Variants in FOLH1 observed in about 807,000 individuals in gnomAD.
The protein encoded by FOLH1 is glutamate carboxypeptidase 2.
A neutral mutation model predicts 93.9 loss-of-function variants in FOLH1; 54 were observed. The ratio of observed to expected loss-of-function variants is 0.57; its 90% CI spans 0.46 to 0.72. The LOEUF (loss-of-function observed/expected upper bound fraction) is 0.72. Among genes scored for constraint, FOLH1 ranks in the 30% least tolerant of loss-of-function variants. FOLH1 has a pLI of 0.00. For synonymous variants in FOLH1, 249 were observed against 303.6 expected, an observed-to-expected ratio of 0.82 and a Z score of 1.87; for missense variants, 571 against 892.5, an observed-to-expected ratio of 0.64 and a Z score of 4.59.
chr11:49,176,428 C>T (rs1860047935), intron 7 of FOLH1, among the ~76,000 whole-genome samples: 1 of 152,134 alleles, frequency 6.6e-6, no homozygotes, highest in Non-Finnish European at 1.5e-5. Context: ...ATTTCAGAAG[C>T]CCCTAAAAGC....
intron 4 of FOLH1, 136 bp downstream of exon 4, chr11:49,192,657 T>C (rs1281688362): frequency 1.9e-6 from 1 of 529,122 alleles, no homozygotes; most frequent in East Asian, 3.4e-5. Flanking sequence ...TACTAAGACA[T>C]TCTCATTACT....
chr11:49,180,498 C>T (rs1236163823), intron 7 of FOLH1, among the ~76,000 whole-genome samples: 26 of 152,156 alleles, frequency 1.7e-4, no homozygotes, highest in Admixed American at 1.0e-3. Context: ...CAGCATTCTT[C>T]GGCCATTATA....
At chr11:49,192,149 G>C (rs2135252156) in intron 4 of FOLH1, among the ~76,000 whole-genome samples, 1 of 151,192 alleles carries the variant, frequency 6.6e-6, no homozygotes, top group Admixed American at 6.6e-5. Context: ...TATACTATCT[G>C]GTCTTTTATA....
At position 49,146,944 on chromosome 11, in the gene FOLH1, G is replaced by A. The variant is rs1262142055; in HGVS notation, c.2065C>T (p.His689Tyr). 6.2e-7 allele frequency: 1 copy of A among 1,607,370 alleles called. No individual in the cohort carries two copies. The change falls in exon 19 of 19, where the codon CAT becomes TAT. Residue 689 changes from histidine (H) to tyrosine (Y), a missense_variant and splice_region_variant. By Grantham distance (83) the His-to-Tyr change is moderately conservative (BLOSUM62 2). Transcript: ENST00000256999. The stretch of plus-strand genomic sequence containing the variant: ...TGGCTGCTTGGAGCATAGATGACAT[G>A]CCTGTTGATAAAATCGTTTGCTGTT... Reference protein sequence around the residue: ...LGLPDRPFYRHVIYAPSSHNK... With the variant: ...LGLPDRPFYRYVIYAPSSHNK...
intron 4 of FOLH1, 75 bp from the exon 5 acceptor site, chr11:49,186,844 C>T: frequency 1.4e-6 from 2 of 1,481,096 alleles, no homozygotes; most frequent in Non-Finnish European, 1.8e-6. Flanking sequence ...GACTGTTGGA[C>T]ATTTTTGAAA....
At chr11:49,163,137 C>T (rs12793839) in intron 13 of FOLH1, among the ~76,000 whole-genome samples, 2 of 152,042 alleles carry the variant, frequency 1.3e-5, no homozygotes, top group Non-Finnish European at 2.9e-5. Context: ...CTTCAGCCCT[C>T]GGTTGTCTTG....
intron 1 of FOLH1, among the ~76,000 whole-genome samples, chr11:49,207,462 C>A (rs1864105546): frequency 6.6e-6 from 1 of 152,078 alleles, no homozygotes; most frequent in African/African-American, 2.4e-5. Context: ...CTTCTAAATC[C>A]CGAAAGAGGG....
chr11:49,181,252 CAT>C (rs1860696697), intron 7 of FOLH1, among the ~76,000 whole-genome samples: 2 of 151,774 alleles, frequency 1.3e-5, no homozygotes, highest in Admixed American at 6.6e-5. Context: ...GGACTACAGG[CAT>C]GCACCAGCAT....
At chr11:49,204,178 G>A (rs979540746) in intron 2 of FOLH1, among the ~76,000 whole-genome samples, 13 of 152,144 alleles carry the variant, frequency 8.5e-5, no homozygotes, top group Admixed American at 5.9e-4. Context: ...AGAGGCAAGC[G>A]TAAAGAAGTC....
At position 49,196,320 on chromosome 11, in the gene FOLH1, G is replaced by T. The variant is rs147588273; in HGVS notation, c.412-3426C>A. Among the ~76,000 whole-genome samples, 1,519 of 152,068 alleles carry T rather than the reference G, an allele frequency of 1.0e-2. 24 individuals are homozygous for T. Among genetic ancestry groups the T allele is most frequent in the African/African-American group, 0.034 (1,430 of 41,482 alleles). On this transcript the variant is annotated intron_variant, in intron 3 of 18. Coordinates refer to ENST00000256999, the MANE Select transcript of FOLH1 (RefSeq NM_004476.3). Reference sequence around the variant, plus strand: ...AAATAGTCATATTACAACCAATAAAGAAATTAAACCAGTAGTTTAAAATTT... The same window carrying T: ...AAATAGTCATATTACAACCAATAAATAAATTAAACCAGTAGTTTAAAATTT...
intron 17 of FOLH1, among the ~76,000 whole-genome samples, chr11:49,151,056 T>C (rs777499410): frequency 2.0e-5 from 3 of 152,188 alleles, no homozygotes; most frequent in Non-Finnish European, 4.4e-5. Flanking sequence ...GATCATGAGT[T>C]AAATAACTTG....
intron 17 of FOLH1, among the ~76,000 whole-genome samples, chr11:49,151,192 T>C (rs1248083227): frequency 1.3e-5 from 2 of 152,236 alleles, no homozygotes; most frequent in Non-Finnish European, 2.9e-5. Context: ...TGAGCTATTT[T>C]TAACATTTAT....
At chr11:49,156,898 A>G (rs1476845494) in intron 14 of FOLH1, 91 bp from the exon 15 acceptor site, 2 of 1,566,526 alleles carry the variant, frequency 1.3e-6, no homozygotes, top group Non-Finnish European at 1.7e-6. Flanking sequence ...CATTCTTACT[A>G]TTATAAATGT....
intron 4 of FOLH1, among the ~76,000 whole-genome samples, chr11:49,189,356 T>C (rs1456156157): frequency 1.3e-5 from 2 of 152,232 alleles, no homozygotes; most frequent in Non-Finnish European, 2.9e-5. Context: ...TTTCATAGCA[T>C]GTACACGACA....
intron 4 of FOLH1, among the ~76,000 whole-genome samples, chr11:49,192,245 T>C (rs1399514524): frequency 2.0e-5 from 3 of 152,140 alleles, no homozygotes; most frequent in Non-Finnish European, 1.5e-5. Context: ...TGAAGTTATA[T>C]CACTGTAAAT....
chr11:49,151,768 C>T (rs1856537394), intron 17 of FOLH1, among the ~76,000 whole-genome samples: 1 of 152,120 alleles, frequency 6.6e-6, no homozygotes, highest in Non-Finnish European at 1.5e-5. Flanking sequence ...AACCACAATT[C>T]AAACCATGAG....
intron 15 of FOLH1, among the ~76,000 whole-genome samples, chr11:49,155,958 T>C (rs1341397391): frequency 6.6e-6 from 1 of 151,380 alleles, no homozygotes; most frequent in African/African-American, 2.4e-5. Flanking sequence ...CCACGTGTCA[T>C]GGGAGAGACT....
intron 7 of FOLH1, among the ~76,000 whole-genome samples, chr11:49,179,812 A>G (rs1373752512): frequency 1.3e-5 from 2 of 152,236 alleles, no homozygotes; most frequent in Non-Finnish European, 2.9e-5. Context: ...AAAAAGATCA[A>G]CAAAATCAGC....
intron 4 of FOLH1, 157 bp downstream of exon 4, chr11:49,192,636 T>A (rs1377199738): frequency 2.2e-6 from 1 of 459,664 alleles, no homozygotes; most frequent in African/African-American, 2.0e-5. Flanking sequence ...ATAATCAATA[T>A]TCCTTCTTCT....
Sources: gnomAD v4.1 joint callset for allele counts (sites outside exome capture counted in the v4.1 genomes callset) on GRCh38, gnomAD v4.1.1 for gene constraint, MANE v1.5 for transcripts, NCBI Gene and HGNC (gene_info 2026-07-23, HGNC 2026-07-21) for gene names.